Variants in ZNF805 observed in about 807,000 individuals in gnomAD.
ZNF805 encodes zinc finger protein 805.
A neutral mutation model predicts 13.6 loss-of-function variants in ZNF805; 7 were observed. The observed-to-expected ratio is 0.51, with a 90% CI of 0.29 to 0.97. The LOEUF (loss-of-function observed/expected upper bound fraction) is 0.97. ZNF805 is among the 50% of genes least tolerant of loss of function. The pLI is 0.08. For synonymous variants in ZNF805, 293 were observed against 279.8 expected, an observed-to-expected ratio of 1.05 and a Z score of -0.47; for missense variants, 604 against 771.0, an observed-to-expected ratio of 0.78 and a Z score of 2.57.
Position 57,253,748 on chromosome 19 carries a change from C to A in ZNF805, c.929C>A (p.Thr310Asn), listed in dbSNP as rs540712846. 2.1e-4 allele frequency: 335 copies of A among 1,613,930 alleles called. 4 individuals are homozygous for A. The South Asian group carries it at 3.5e-3, about 17-fold the overall frequency. ...TTTGTCTTGCATAACAGGAGCCACA[C>A]TGGAGAAAAACCCTTTGTGTGCAAA... is the stretch of plus-strand genomic sequence containing the variant. ...STFVLHNRSHTGEKPFVCKEC... is the reference protein window; with the variant it reads ...STFVLHNRSHNGEKPFVCKEC... The change falls in exon 4 of 4, where the codon ACT (threonine) becomes AAT (asparagine). Residue 310 changes from threonine to asparagine, a missense_variant. Physicochemically the swap from Thr to Asn is moderately conservative, Grantham distance 65 (BLOSUM62 0). Transcript: ENST00000414468. This position sits in a 1 kb window ranked among gnomAD's most constrained non-coding sequence, Gnocchi z 4.4.
chr19:57,253,155 A>T lies in ZNF805; in HGVS notation c.336A>T (p.Leu112=). 6.5e-7 allele frequency: 1 copy of T among 1,547,126 alleles called. No homozygotes were observed. The highest frequency in any genetic ancestry group is 8.7e-7 in the Non-Finnish European group (1 of 1,148,228). The part of the protein sequence containing the change: ...LSEGISFWGQ[L]TQGASGDSQL... ...AAGGAATCTCTTTTTGGGGACAACTAACACAAGGAGCTTCAGGGGACTCCC... is the reference window on the plus strand; with the variant it reads ...AAGGAATCTCTTTTTGGGGACAACTTACACAAGGAGCTTCAGGGGACTCCC... The change falls in exon 4 of 4, where the codon CTA becomes CTT. Residue 112 remains leucine (L), a synonymous_variant. Coordinates refer to ENST00000414468, the MANE Select transcript of ZNF805 (RefSeq NM_001023563.4). This position sits in a 1 kb window ranked among gnomAD's most constrained non-coding sequence, Gnocchi z 4.4.
At position 57,254,199 on chromosome 19, in the gene ZNF805, T is replaced by C; in HGVS notation, c.1380T>C (p.Cys460=). 1 of 1,613,836 alleles carries C rather than the reference T, an allele frequency of 6.2e-7. No individual in the cohort carries two copies. Among genetic ancestry groups the C allele is most frequent in the Non-Finnish European group, 8.5e-7 (1 of 1,179,974 alleles). ...AAAAACCTTTCGAGTGCAAAGAGTG[T>C]GGGAAAGCCTTTAGCAATAGGGCAG... is the stretch of plus-strand genomic sequence containing the variant. The part of the protein sequence containing the change: ...TGEKPFECKE[C]GKAFSNRADL... The change falls in exon 4 of 4, where the codon TGT becomes TGC. Residue 460 remains cysteine (C), a synonymous_variant. Transcript: ENST00000414468.
At chr19:57,244,456 C>T (rs1321898339) in intron 2 of ZNF805, among the ~76,000 whole-genome samples, 1 of 151,882 alleles carries the variant, frequency 6.6e-6, no homozygotes, top group African/African-American at 2.4e-5. Flanking sequence ...GGTGATCCGC[C>T]CGCCTCGGTC....
Position 57,254,378 on chromosome 19 carries a change from T to G in ZNF805, c.1559T>G (p.Phe520Cys). 42 of 1,613,958 alleles carry G rather than the reference T, an allele frequency of 2.6e-5. No individual in the cohort carries two copies. The highest frequency in any genetic ancestry group is 3.5e-5 in the Non-Finnish European group (41 of 1,179,998). The change falls in exon 4 of 4, where the codon TTT becomes TGT. Residue 520 changes from phenylalanine (F) to cysteine (C), a missense_variant. This residue lies in a region of ZNF805 where 228 missense variants were observed against 352.8 expected (regional missense o/e 0.65). Coordinates refer to ENST00000414468, the MANE Select transcript of ZNF805 (RefSeq NM_001023563.4). The part of the protein sequence containing the change: ...PYECIECGKT[F>C]CWSTNLIRHS... ...GAATGCATCGAGTGTGGGAAAACAT[T>G]TTGCTGGAGCACAAACCTCATTCGA... is the stretch of plus-strand genomic sequence containing the variant.
At position 57,243,970 on chromosome 19, in the gene ZNF805, G is replaced by A. The variant is rs1209223012; in HGVS notation, c.78G>A (p.Glu26=). The change falls in exon 2 of 4, where the codon GAG becomes GAA. Residue 26 remains glutamate (E), a synonymous_variant. Coordinates refer to ENST00000414468, the MANE Select transcript of ZNF805 (RefSeq NM_001023563.4). ...TGGCTGTGACTTTCACCCAGGAGGAGTGGGGCCAGCTGGACCTAGCTCAGC... is the reference window on the plus strand; with the variant it reads ...TGGCTGTGACTTTCACCCAGGAGGAATGGGGCCAGCTGGACCTAGCTCAGC... ...DDVAVTFTQE[E]WGQLDLAQRT... is the part of the protein sequence containing the mutation. The A allele has an allele frequency of 6.2e-7, 1 of 1,614,030 alleles. No homozygotes were observed. Among genetic ancestry groups the A allele is most frequent in the Non-Finnish European group, 8.5e-7 (1 of 1,180,044 alleles).
At position 57,243,995 on chromosome 19, in the gene ZNF805, C is replaced by T. The variant is rs762250753; in HGVS notation, c.103C>T (p.Arg35Trp). ...GTGGGGCCAGCTGGACCTAGCTCAG[C>T]GGACCCTGTACCAGGAGGTGATGCT... is the stretch of plus-strand genomic sequence containing the variant. The part of the protein sequence containing the change: ...EEWGQLDLAQ[R>W]TLYQEVMLEN... Residue 35 changes from arginine (R) to tryptophan (W), a missense_variant, in exon 2 of 4, where the codon CGG becomes TGG. Transcript: ENST00000414468. 6 of 1,613,970 alleles carry T rather than the reference C, an allele frequency of 3.7e-6. No homozygotes were observed. The highest frequency in any genetic ancestry group is 1.1e-5 in the South Asian group (1 of 91,080).
In ZNF805 at chr19:57,259,479, T is replaced by C. The variant is rs2087710375; in HGVS notation, c.*4776T>C. 1.3e-5 allele frequency among the ~76,000 whole-genome samples: 2 copies of C among 152,128 alleles called. No individual in the cohort carries two copies. The highest frequency in any genetic ancestry group is 2.1e-4 in the South Asian group (1 of 4,828). On this transcript the variant is annotated 3_prime_UTR_variant, in exon 4 of 4. Coordinates refer to ENST00000414468, the MANE Select transcript of ZNF805 (RefSeq NM_001023563.4). ...TCGTTTTGGTTTTTGTATTTTTCAG[T>C]TGTTTAATTTCCATTTGTTTTGTTT... is the stretch of plus-strand genomic sequence containing the variant.
intron 1 of ZNF805, among the ~76,000 whole-genome samples, chr19:57,242,907 T>C (rs893017108): frequency 1.3e-5 from 2 of 152,198 alleles, no homozygotes; most frequent in Non-Finnish European, 2.9e-5. Context: ...CTGTCTCTTA[T>C]ATATAAATCA....
rs1001519061 is a variant in ZNF805 at position 57,255,807 on chromosome 19, A to T, written c.*1104A>T. ...GGGACAGTTTTATTTCTTGCTTCCC[A>T]TCTGTATACCTTTTATTTGCTTTTC... On this transcript the variant is annotated 3_prime_UTR_variant, in exon 4 of 4. Transcript: ENST00000414468. Among the ~76,000 whole-genome samples, 1 of 152,122 alleles carries T rather than the reference A, an allele frequency of 6.6e-6. No individual in the cohort carries two copies. Among genetic ancestry groups the T allele is most frequent in the Non-Finnish European group, 1.5e-5 (1 of 67,984 alleles).
rs1325141849 is a variant in ZNF805 at position 57,260,061 on chromosome 19, GGTT to G, written c.*5361_*5363del. Among the ~76,000 whole-genome samples, 5 of 152,126 alleles carry G rather than the reference GGTT, an allele frequency of 3.3e-5. No individual in the cohort carries two copies. The highest frequency in any genetic ancestry group is 3.3e-4 in the Admixed American group (5 of 15,266). The stretch of plus-strand genomic sequence containing the variant: ...TTCAGAGTTACGTACTCCACGGGAA[GGTT>G]GTATGTAAAATCCTCCAGCTCTGTA... On this transcript the variant is annotated 3_prime_UTR_variant, in exon 4 of 4. Coordinates refer to ENST00000414468, the MANE Select transcript of ZNF805 (RefSeq NM_001023563.4).
In ZNF805 at chr19:57,260,030, A is replaced by G. The variant is rs12460561; in HGVS notation, c.*5327A>G. ...CAGATCTTATATCAGGGTGATCTGC[A>G]TATCATTCAGAGTTACGTACTCCAC... On this transcript the variant is annotated 3_prime_UTR_variant, in exon 4 of 4. Coordinates refer to ENST00000414468, the MANE Select transcript of ZNF805 (RefSeq NM_001023563.4). 3.0e-4 allele frequency among the ~76,000 whole-genome samples: 46 copies of G among 152,300 alleles called. No individual in the cohort carries two copies. Among genetic ancestry groups the G allele is most frequent in the Admixed American group, 2.2e-3 (33 of 15,310 alleles).
intron 2 of ZNF805, among the ~76,000 whole-genome samples, chr19:57,247,656 C>T (rs2087627370): frequency 6.6e-6 from 1 of 152,202 alleles, no homozygotes; most frequent in Non-Finnish European, 1.5e-5. Context: ...GTACTATTAC[C>T]GTCGTCCTCA....
At position 57,254,601 on chromosome 19, in the gene ZNF805, T is replaced by C. The variant is rs753915068; in HGVS notation, c.1782T>C (p.Phe594=). The change falls in exon 4 of 4, where the codon TTT becomes TTC. Residue 594 remains phenylalanine (F), a synonymous_variant. Coordinates refer to ENST00000414468, the MANE Select transcript of ZNF805 (RefSeq NM_001023563.4). The part of the protein sequence containing the change: ...NIQELLLGKN[F]LNVTTEENLL... The stretch of plus-strand genomic sequence containing the variant: ...AAGAACTTTTATTGGGGAAAAACTT[T>C]TTGAATGTCACCACTGAGGAAAATC... 241 of 1,614,022 alleles carry C rather than the reference T, an allele frequency of 1.5e-4. No individual in the cohort carries two copies. Among genetic ancestry groups the C allele is most frequent in the Non-Finnish European group, 1.9e-4 (224 of 1,180,010 alleles).
chr19:57,249,396 G>A (rs557906203), intron 3 of ZNF805, among the ~76,000 whole-genome samples: 71 of 152,186 alleles, frequency 4.7e-4, no homozygotes, highest in African/African-American at 1.7e-3. Flanking sequence ...AATGATATTA[G>A]AAATTATTTT....
In ZNF805 at chr19:57,240,801, C is replaced by A; in HGVS notation, c.-91C>A. 2 of 1,291,894 alleles carry A rather than the reference C, an allele frequency of 1.5e-6. No individual in the cohort carries two copies. The highest frequency in any genetic ancestry group is 2.9e-5 in the South Asian group (2 of 69,892). The allele number at this position is 1,291,894 out of a possible 1,614,324, so 80.0% of individuals were successfully genotyped here. On this transcript the variant is annotated 5_prime_UTR_variant, in exon 1 of 4. Transcript: ENST00000414468. ...GACTGTCAGCCAAGGTCACCGGGCC[C>A]GGCGCAGGGAAGGGGTGGGGCTCGG...
At chr19:57,248,550 G>A in intron 2 of ZNF805, 55 bp from the exon 3 acceptor site, 1 of 1,421,878 alleles carries the variant, frequency 7.0e-7, no homozygotes, top group South Asian at 1.2e-5. Context: ...TAGATTGAAG[G>A]TCTTTATTTC....
In ZNF805 at chr19:57,262,351, A is replaced by AG; in HGVS notation, c.*7648_*7649insG. ...ATACGTGTAAACCATTGTAACCAAG[A>AG]AAAAAAAAAAAAGTCAGAGTCACAG... is the stretch of plus-strand genomic sequence containing the variant. On this transcript the variant is annotated 3_prime_UTR_variant, in exon 4 of 4. Transcript: ENST00000414468. The AG allele has an allele frequency of 1.8e-5, 1 of 55,732 alleles. No individual in the cohort carries two copies. The allele number at this position is 55,732 out of a possible 1,614,324, so 3.5% of individuals were successfully genotyped here. A position where few individuals can be genotyped will look rare whatever the true frequency, so the allele number is the denominator to read the frequency against.
At position 57,256,614 on chromosome 19, in the gene ZNF805, A is replaced by G. The variant is rs1484744132; in HGVS notation, c.*1911A>G. Reference sequence around the variant, plus strand: ...TCTAATTTGTAGCATTCTTTGAAATATTTCCTTTTATCCTCTTGATGGCAG... The same window carrying G: ...TCTAATTTGTAGCATTCTTTGAAATGTTTCCTTTTATCCTCTTGATGGCAG... On this transcript the variant is annotated 3_prime_UTR_variant, in exon 4 of 4. Transcript: ENST00000414468. 1.3e-5 allele frequency among the ~76,000 whole-genome samples: 2 copies of G among 152,010 alleles called. No homozygotes were observed. Among genetic ancestry groups the G allele is most frequent in the African/African-American group, 4.8e-5 (2 of 41,390 alleles).
In ZNF805 at chr19:57,254,502, T is replaced by C. The variant is rs1445291387; in HGVS notation, c.1683T>C (p.His561=). Reference sequence around the variant, plus strand: ...CCCTCACTCAGCATCAAAGGATGCATACTGGGAGAAATCCTATCAGTGTAA... The same window carrying C: ...CCCTCACTCAGCATCAAAGGATGCACACTGGGAGAAATCCTATCAGTGTAA... ...SSSLTQHQRM[H]TGRNPISVTD... is the part of the protein sequence containing the mutation. The change falls in exon 4 of 4, where the codon CAT becomes CAC. Residue 561 remains histidine (H), a synonymous_variant. Coordinates refer to ENST00000414468, the MANE Select transcript of ZNF805 (RefSeq NM_001023563.4). 5 of 1,614,110 alleles carry C rather than the reference T, an allele frequency of 3.1e-6. No homozygotes were observed. Among genetic ancestry groups the C allele is most frequent in the Non-Finnish European group, 1.7e-6 (2 of 1,180,042 alleles).
Sources: allele counts gnomAD v4.1 joint callset (sites outside exome capture counted in the v4.1 genomes callset), GRCh38; gene constraint gnomAD v4.1.1; regional missense constraint gnomAD v4.1.1; non-coding constraint Gnocchi (gnomAD v3.1); transcripts MANE v1.5; gene names NCBI Gene and HGNC (gene_info 2026-07-23, HGNC 2026-07-21).